The following SEMA6D variants were observed in gnomAD, a reference collection of about 807,000 sequenced individuals.
The protein encoded by SEMA6D is semaphorin-6D.
SEMA6D carries 35 observed loss-of-function variants against 106.6 expected under a neutral mutation model. The ratio of observed to expected loss-of-function variants is 0.33; its 90% CI spans 0.25 to 0.44. The LOEUF is 0.44. Among genes scored for constraint, SEMA6D ranks in the 20% least tolerant of loss-of-function variants. SEMA6D has a pLI of 1.00. For synonymous variants in SEMA6D, 499 were observed against 487.7 expected (o/e 1.02, Z -0.31); for missense variants, 1,185 against 1,345.9 (o/e 0.88, Z 1.87).
chr15:47,320,579 A>G (rs529123769), intron 1 of SEMA6D, among the ~76,000 whole-genome samples: 13 of 152,090 alleles, frequency 8.5e-5, no homozygotes, highest in African/African-American at 3.1e-4. Context: ...CCTTCTCCCT[A>G]TGCACCATAT....
At chr15:47,468,176 TGCGGG>T (rs1294118199) in intron 2 of SEMA6D, among the ~76,000 whole-genome samples, 3 of 152,106 alleles carry the variant, frequency 2.0e-5, no homozygotes, top group African/African-American at 7.2e-5. Flanking sequence ...TGTGTTTGTG[TGCGGG>T]TGTGTGTGTG....
At chr15:47,622,945 T>C (rs1281224138) in intron 4 of SEMA6D, among the ~76,000 whole-genome samples, 1 of 152,014 alleles carries the variant, frequency 6.6e-6, no homozygotes, top group South Asian at 2.1e-4. Context: ...AAACACAAGC[T>C]GGGGAAAGAG....
intron 1 of SEMA6D, among the ~76,000 whole-genome samples, chr15:47,239,708 C>T (rs2032785432): frequency 6.6e-6 from 1 of 152,272 alleles, no homozygotes; most frequent in South Asian, 2.1e-4. Flanking sequence ...GATTGTAGAG[C>T]TCTCTGTATA....
intron 4 of SEMA6D, among the ~76,000 whole-genome samples, chr15:47,618,884 T>C (rs954451899): frequency 6.6e-6 from 1 of 152,158 alleles, no homozygotes; most frequent in African/African-American, 2.4e-5. Context: ...AGATGATATG[T>C]GTGATTAGGC....
At chr15:47,600,664 T>C (rs985532426) in intron 3 of SEMA6D, among the ~76,000 whole-genome samples, 2 of 152,188 alleles carry the variant, frequency 1.3e-5, no homozygotes, top group Non-Finnish European at 2.9e-5. Context: ...TGGAATTCAA[T>C]AGAGAAATTG....
intron 1 of SEMA6D, among the ~76,000 whole-genome samples, chr15:47,385,247 C>T (rs944353528): frequency 1.3e-5 from 2 of 151,830 alleles, no homozygotes; most frequent in African/African-American, 4.8e-5. Flanking sequence ...CAGATAAGTG[C>T]CATTAAGTCA....
At chr15:47,683,973 A>G (rs1340783837) in intron 4 of SEMA6D, among the ~76,000 whole-genome samples, 2 of 152,252 alleles carry the variant, frequency 1.3e-5, no homozygotes, top group African/African-American at 2.4e-5. Flanking sequence ...GATAATAAAG[A>G]GGCAGGATTC....
chr15:47,741,287 C>A (rs2080796716), intron 1 of SEMA6D, among the ~76,000 whole-genome samples: 2 of 152,144 alleles, frequency 1.3e-5, no homozygotes. Flanking sequence ...TAGCACCAAC[C>A]TCCTAGGGGG....
chr15:47,586,461 A>G (rs1344729065), intron 3 of SEMA6D, among the ~76,000 whole-genome samples: 1 of 152,200 alleles, frequency 6.6e-6, no homozygotes, highest in Non-Finnish European at 1.5e-5. Context: ...AGCCTTAATT[A>G]ACTTATTTTT....
At chr15:47,598,933 A>C (rs2076589560) in intron 3 of SEMA6D, among the ~76,000 whole-genome samples, 2 of 152,024 alleles carry the variant, frequency 1.3e-5, no homozygotes, top group South Asian at 4.2e-4. Context: ...ACACCTTTCC[A>C]CTCAAGGCTT....
chr15:47,614,712 A>T (rs1052290947), intron 4 of SEMA6D, among the ~76,000 whole-genome samples: 1 of 152,170 alleles, frequency 6.6e-6, no homozygotes, highest in Non-Finnish European at 1.5e-5. Flanking sequence ...TAGATCCAGG[A>T]CCTAGCATGG....
At chr15:47,634,040 T>A (rs754342366) in intron 4 of SEMA6D, among the ~76,000 whole-genome samples, 1 of 152,214 alleles carries the variant, frequency 6.6e-6, no homozygotes, top group Non-Finnish European at 1.5e-5. Context: ...ATCAAGAGAA[T>A]TTGTAATTAC....
chr15:47,283,059 T>C (rs2035202313), intron 1 of SEMA6D, among the ~76,000 whole-genome samples: 2 of 152,102 alleles, frequency 1.3e-5, no homozygotes, highest in Non-Finnish European at 2.9e-5. Flanking sequence ...AGAGAAACTT[T>C]TAGTCCTGGT....
chr15:47,653,617 C>T (rs933310132), intron 4 of SEMA6D, among the ~76,000 whole-genome samples: 1 of 152,164 alleles, frequency 6.6e-6, no homozygotes, highest in South Asian at 2.1e-4. Flanking sequence ...TAAACAATTG[C>T]CCAATACTTA....
chr15:47,429,130 G>T (rs2041442778), intron 2 of SEMA6D, among the ~76,000 whole-genome samples: 1 of 152,020 alleles, frequency 6.6e-6, no homozygotes, highest in African/African-American at 2.4e-5. Flanking sequence ...AGAGAGGTGT[G>T]TGAGTTGCCT....
At chr15:47,211,751 G>A (rs1023978801) in intron 1 of SEMA6D, among the ~76,000 whole-genome samples, 1 of 152,014 alleles carries the variant, frequency 6.6e-6, no homozygotes, top group African/African-American at 2.4e-5. Flanking sequence ...TGTCAAGAAG[G>A]TTAGACTAGG....
In SEMA6D at chr15:47,360,943, G is replaced by A. The variant is rs1023839685; in HGVS notation, c.-238-51450G>A. Among the ~76,000 whole-genome samples the A allele has an allele frequency of 1.8e-4, 28 of 152,318 alleles. No individual in the cohort carries two copies. The South Asian group carries it at 2.5e-3, about 14-fold the overall frequency. ...TTGAAACCAGCCAACCTGGATTTGGGTCCATCTTTGCCTCTTGGCTAATGG... is the reference window on the plus strand; with the variant it reads ...TTGAAACCAGCCAACCTGGATTTGGATCCATCTTTGCCTCTTGGCTAATGG... On this transcript the variant is annotated intron_variant, in intron 1 of 19. Transcript: ENST00000558014.
chr15:47,367,720 AC>A (rs1567031262), intron 1 of SEMA6D, among the ~76,000 whole-genome samples: 5,497 of 117,252 alleles, frequency 0.047, 201 homozygotes, highest in East Asian at 0.18. Context: ...ACACACACAC[AC>A]ACACACAGAG....
intron 1 of SEMA6D, among the ~76,000 whole-genome samples, chr15:47,334,407 G>T (rs1200302551): frequency 4.6e-5 from 7 of 152,308 alleles, no homozygotes; most frequent in Middle Eastern, 3.4e-3. Flanking sequence ...CTTATGACTA[G>T]TGTCTGGGAG....
Sources: allele counts gnomAD v4.1 joint callset (sites outside exome capture counted in the v4.1 genomes callset), GRCh38; gene constraint gnomAD v4.1.1; transcripts MANE v1.5; gene names NCBI Gene and HGNC (gene_info 2026-07-23, HGNC 2026-07-21).